Variants in PCDHGB1 observed in about 807,000 individuals in gnomAD.
PCDHGB1 encodes protocadherin gamma subfamily B, 1, also known as protocadherin gamma-B1.
A neutral mutation model predicts 56.6 loss-of-function variants in PCDHGB1; 34 were observed. That is an observed-to-expected ratio of 0.60 (90% CI 0.46 to 0.80). PCDHGB1 has a LOEUF of 0.80. PCDHGB1 is among the 30% of genes least tolerant of loss of function. PCDHGB1 has a pLI of 0.00. For missense variants in PCDHGB1, 1,278 were observed against 1,204.6 expected, an observed-to-expected ratio of 1.06 and a Z score of -0.90; for synonymous variants, 561 against 505.9, an observed-to-expected ratio of 1.11 and a Z score of -1.46.
In PCDHGB1 at chr5:141,489,514, C is replaced by T. The variant is rs141377711; in HGVS notation, c.2410-5293C>T. 63 of 1,613,926 alleles carry T rather than the reference C, an allele frequency of 3.9e-5. No homozygotes were observed. The highest frequency in any genetic ancestry group is 6.7e-5 in the Admixed American group (4 of 60,004). ...CCTGGCAGTGAATCAAAAGATTGAC[C>T]GAGAAAGCCTATGTGGAGCCAGCAC... On this transcript the variant is annotated intron_variant, in intron 1 of 3. Coordinates refer to ENST00000523390, the MANE Select transcript of PCDHGB1 (RefSeq NM_018922.3). This position sits in a 1 kb window ranked among gnomAD's most constrained non-coding sequence, Gnocchi z 4.5.
At chr5:141,400,943 T>G (rs1253479872) in intron 1 of PCDHGB1, among the ~76,000 whole-genome samples, 1 of 152,260 alleles carries the variant, frequency 6.6e-6, no homozygotes, top group East Asian at 1.9e-4. Flanking sequence ...CTTTCTTCAC[T>G]GATTTCACTG....
chr5:141,395,341 G>C, intron 1 of PCDHGB1: 1 of 1,409,696 alleles, frequency 7.1e-7, no homozygotes. Context: ...AATTTTTAAG[G>C]TGTATCACAG....
At chr5:141,437,013 A>G (rs570721163) in intron 1 of PCDHGB1, among the ~76,000 whole-genome samples, 146 of 152,354 alleles carry the variant, frequency 9.6e-4, no homozygotes, top group Non-Finnish European at 1.2e-3. Flanking sequence ...ATCTTAGATA[A>G]TTTCACCAGA....
rs570809952 is a variant in PCDHGB1 at position 141,463,609 on chromosome 5, C to T, written c.2410-31198C>T. 4.6e-5 allele frequency among the ~76,000 whole-genome samples: 7 copies of T among 151,964 alleles called. No homozygotes were observed. In the East Asian group the frequency reaches 9.7e-4, roughly 21 times the overall value. The stretch of plus-strand genomic sequence containing the variant: ...GACTACAGGTGCCTGCCACCATGCC[C>T]GGCTAATTTTTTGTATTTTGTTTAG... On this transcript the variant is annotated intron_variant, in intron 1 of 3. Coordinates refer to ENST00000523390, the MANE Select transcript of PCDHGB1 (RefSeq NM_018922.3).
At chr5:141,384,886 G>A in intron 1 of PCDHGB1, 1 of 1,613,822 alleles carries the variant, frequency 6.2e-7, no homozygotes. Context: ...ACTCACCGTG[G>A]CTGTGGCTGA....
At position 141,477,166 on chromosome 5, in the gene PCDHGB1, G is replaced by A. The variant is rs753389305; in HGVS notation, c.2410-17641G>A. ...TTGTGGATGTGAATGACAACGCCCC[G>A]GAGATCACAGTCACCTCCGTGTACA... On this transcript the variant is annotated intron_variant, in intron 1 of 3. Transcript: ENST00000523390. This position sits in a 1 kb window ranked among gnomAD's most constrained non-coding sequence, Gnocchi z 4.9. 5.9e-5 allele frequency: 96 copies of A among 1,614,012 alleles called. 1 individual carries two copies. Among genetic ancestry groups the A allele is most frequent in the Non-Finnish European group, 7.9e-5 (93 of 1,180,030 alleles).
chr5:141,400,709 G>A (rs1361669405), intron 1 of PCDHGB1: 1 of 696,272 alleles, frequency 1.4e-6, no homozygotes, highest in East Asian at 2.7e-5. Flanking sequence ...AAAAGAAGTA[G>A]CCTTATAGAT....
Position 141,371,052 on chromosome 5 carries a change from C to T in PCDHGB1, c.2409+18383C>T, listed in dbSNP as rs769801850. 2.5e-6 allele frequency: 4 copies of T among 1,613,960 alleles called. No individual in the cohort carries two copies. In the South Asian group the frequency reaches 3.3e-5, roughly 13 times the overall value. ...CCTCACAGCTGTGGATGGGGGCGAGCCCTCCAGAAGCTGTACCACCCAGAT... is the reference window on the plus strand; with the variant it reads ...CCTCACAGCTGTGGATGGGGGCGAGTCCTCCAGAAGCTGTACCACCCAGAT... On this transcript the variant is annotated intron_variant, in intron 1 of 3. Coordinates refer to ENST00000523390, the MANE Select transcript of PCDHGB1 (RefSeq NM_018922.3).
intron 1 of PCDHGB1, chr5:141,421,424 G>A: frequency 6.2e-7 from 1 of 1,614,092 alleles, no homozygotes. Context: ...CGCGGAGTCC[G>A]CATCGTCTCC....
rs1343539435 is a variant in PCDHGB1, at chr5:141,351,950, G to T, written c.1690G>T (p.Gly564Trp). ...GCCACGGGTGCTGTACCCCGCGCTG[G>T]GGCCTGATGGCTCCGCCCTCTTCGA... is the stretch of plus-strand genomic sequence containing the variant. The part of the protein sequence containing the change: ...NAPRVLYPAL[G>W]PDGSALFDMV... Residue 564 changes from glycine (G) to tryptophan (W), a missense_variant, in exon 1 of 4, where the codon GGG becomes TGG. Physicochemically the swap from Gly to Trp is radical, Grantham distance 184. Transcript: ENST00000523390. 3 of 1,613,000 alleles carry T rather than the reference G, an allele frequency of 1.9e-6. No homozygotes were observed. The highest frequency in any genetic ancestry group is 3.3e-5 in the Admixed American group (2 of 60,000).
chr5:141,421,469 G>T (rs767500900), intron 1 of PCDHGB1: 1 of 1,614,122 alleles, frequency 6.2e-7, no homozygotes, highest in South Asian at 1.1e-5. Flanking sequence ...GTGAATCCGC[G>T]AAGCGGCAGC....
chr5:141,374,157 G>A (rs1394990278), intron 1 of PCDHGB1: 1 of 1,612,216 alleles, frequency 6.2e-7, no homozygotes, highest in African/African-American at 1.3e-5. Flanking sequence ...ACGCTGTGGG[G>A]GGCCGCGGCA....
At chr5:141,501,308 C>T (rs1220463692) in intron 2 of PCDHGB1, among the ~76,000 whole-genome samples, 2 of 151,492 alleles carry the variant, frequency 1.3e-5, no homozygotes, top group African/African-American at 2.4e-5. Context: ...CACACACACA[C>T]ACACACACAC....
intron 3 of PCDHGB1, among the ~76,000 whole-genome samples, chr5:141,510,330 C>T (rs1420880240): frequency 6.6e-6 from 1 of 151,298 alleles, no homozygotes; most frequent in Non-Finnish European, 1.5e-5. Context: ...GCACTCTTCA[C>T]CCCCACCCCA....
Position 141,432,083 on chromosome 5 carries a change from G to T in PCDHGB1, c.2410-62724G>T, listed in dbSNP as rs1221754474. On this transcript the variant is annotated intron_variant, in intron 1 of 3. Transcript: ENST00000523390. The surrounding 1 kb of genome is among the most constrained non-coding windows in gnomAD (Gnocchi z 6.0). ...CACGGAAACTCATATCTCGCTGAAC[G>T]TGGCAGACACCAACGACAACCCGCC... The T allele has an allele frequency of 1.9e-6, 3 of 1,614,040 alleles. No individual in the cohort carries two copies. The highest frequency in any genetic ancestry group is 2.7e-5 in the African/African-American group (2 of 74,910).
At chr5:141,362,551 T>C (rs767580299) in intron 1 of PCDHGB1, 4 of 1,612,614 alleles carry the variant, frequency 2.5e-6, no homozygotes, top group Non-Finnish European at 3.4e-6. Flanking sequence ...AGATACTATT[T>C]TGAAGGTGAG....
chr5:141,456,975 A>T (rs1240583336), intron 1 of PCDHGB1, among the ~76,000 whole-genome samples: 1 of 152,178 alleles, frequency 6.6e-6, no homozygotes, highest in East Asian at 1.9e-4. Flanking sequence ...AACAAAACAA[A>T]CAAACAAACA....
intron 1 of PCDHGB1, among the ~76,000 whole-genome samples, chr5:141,460,709 A>G (rs2098995845): frequency 6.6e-6 from 1 of 151,794 alleles, no homozygotes; most frequent in Non-Finnish European, 1.5e-5. Flanking sequence ...ATGAGAATAA[A>G]CTATTGTTAT....
rs2099706000 is a variant in PCDHGB1 at position 141,490,911 on chromosome 5, G to A, written c.2410-3896G>A. 1 of 1,613,722 alleles carries A rather than the reference G, an allele frequency of 6.2e-7. No individual in the cohort carries two copies. Among genetic ancestry groups the A allele is most frequent in the Non-Finnish European group, 8.5e-7 (1 of 1,179,746 alleles). Reference sequence around the variant, plus strand: ...CTCTGCATGTGTTTGTCCTAGACGAGAATGATAATGCCCCAGCTGTGCTGC... The same window carrying A: ...CTCTGCATGTGTTTGTCCTAGACGAAAATGATAATGCCCCAGCTGTGCTGC... On this transcript the variant is annotated intron_variant, in intron 1 of 3. Coordinates refer to ENST00000523390, the MANE Select transcript of PCDHGB1 (RefSeq NM_018922.3). This position sits in a 1 kb window ranked among gnomAD's most constrained non-coding sequence, Gnocchi z 5.4.
Sources: allele counts gnomAD v4.1 joint callset (sites outside exome capture counted in the v4.1 genomes callset), GRCh38; gene constraint gnomAD v4.1.1; non-coding constraint Gnocchi (gnomAD v3.1); transcripts MANE v1.5; gene names NCBI Gene and HGNC (gene_info 2026-07-23, HGNC 2026-07-21).